MPRIP: variants seen among roughly 807,000 people sequenced by gnomAD.
The protein encoded by MPRIP is myosin phosphatase Rho-interacting protein.
Under a neutral mutation model 234.9 loss-of-function variants are expected in MPRIP, and 59 were observed. The ratio of observed to expected loss-of-function variants is 0.25; its 90% CI spans 0.20 to 0.31. The LOEUF is 0.31. Among genes scored for constraint, MPRIP ranks in the 10% least tolerant of loss-of-function variants. MPRIP has a pLI of 1.00. For synonymous variants in MPRIP, 1,144 were observed against 1,263.9 expected, an observed-to-expected ratio of 0.91 and a Z score of 2.01; for missense variants, 2,436 against 3,071.0, an observed-to-expected ratio of 0.79 and a Z score of 4.89.
At chr17:17,163,155 G>T (rs914214242) in intron 15 of MPRIP, among the ~76,000 whole-genome samples, 5 of 152,216 alleles carry the variant, frequency 3.3e-5, no homozygotes, top group East Asian at 3.8e-4. Context: ...ACTGGGGTGG[G>T]TGCTATACTA....
intron 5 of MPRIP, among the ~76,000 whole-genome samples, chr17:17,135,312 A>T (rs907447580): frequency 2.0e-5 from 3 of 152,120 alleles, no homozygotes; most frequent in Admixed American, 6.5e-5. Context: ...AACCATGGAG[A>T]GATTGGGGAT....
At position 17,165,662 on chromosome 17, in the gene MPRIP, G is replaced by A. The variant is rs538000912; in HGVS notation, c.4071G>A (p.Ser1357=). ...SSDTSQDRSP[S]EESMSSEPAP... ...ACACCAGCCAGGACCGGTCACCCTC[G>A]GAAGAAAGCATGTCCTCAGAGCCTG... Residue 1357 remains serine (S), a synonymous_variant, in exon 16 of 24, where the codon TCG becomes TCA. Coordinates refer to ENST00000651222, the MANE Select transcript of MPRIP (RefSeq NM_001364716.4). 4.2e-4 allele frequency: 553 copies of A among 1,305,072 alleles called. 3 individuals carry two copies. The African/African-American group carries it at 7.5e-3, about 18-fold the overall frequency. The allele number at this position is 1,305,072 out of a possible 1,614,324, so 80.8% of individuals were successfully genotyped here.
Position 17,190,678 on chromosome 17 carries a change from A to G in MPRIP, c.*5784A>G, listed in dbSNP as rs571437710. The G allele has an allele frequency of 2.6e-5, 4 of 152,302 alleles. No homozygotes were observed. The South Asian group carries it at 6.2e-4, about 24-fold the overall frequency. The allele number at this position is 152,302 out of a possible 1,614,324, so 9.4% of individuals were successfully genotyped here. On this transcript the variant is annotated 3_prime_UTR_variant, in exon 24 of 24. Coordinates refer to ENST00000651222, the MANE Select transcript of MPRIP (RefSeq NM_001364716.4). ...TCTCTGAAATCCTTCAACAAAAGAA[A>G]AGGCTCTTGGCAGGGTAGGGGAGTC...
chr17:17,072,987 ATGATTTTTAGGATATTCCAAC>A (rs1567696619), intron 1 of MPRIP, among the ~76,000 whole-genome samples: 1 of 152,056 alleles, frequency 6.6e-6, no homozygotes, highest in East Asian at 1.9e-4. Context: ...ATACAATTCT[ATGATTTTTAGGATATTCCAAC>A]TGATGTGCAG....
chr17:17,064,488 C>T (rs568946650), intron 1 of MPRIP, among the ~76,000 whole-genome samples: 3 of 152,240 alleles, frequency 2.0e-5, no homozygotes, highest in South Asian at 4.1e-4. Context: ...CACTGTGGTA[C>T]GGCACCACGG....
rs550894108 is a variant in MPRIP, at chr17:17,063,900, C to G, written c.124-11810C>G. Reference sequence around the variant, plus strand: ...GCTGAGATGTTTCTCTGTCCCTTGCCCCTGGCCACCCGCTTGGGGCAGTTG... The same window carrying G: ...GCTGAGATGTTTCTCTGTCCCTTGCGCCTGGCCACCCGCTTGGGGCAGTTG... On this transcript the variant is annotated intron_variant, in intron 1 of 23. Coordinates refer to ENST00000651222, the MANE Select transcript of MPRIP (RefSeq NM_001364716.4). Among the ~76,000 whole-genome samples the G allele has an allele frequency of 3.9e-5, 6 of 152,328 alleles. No individual in the cohort carries two copies. In the East Asian group the frequency reaches 1.2e-3, roughly 29 times the overall value.
intron 1 of MPRIP, among the ~76,000 whole-genome samples, chr17:17,049,469 T>TG (rs1303795294): frequency 6.6e-6 from 1 of 152,214 alleles, no homozygotes; most frequent in East Asian, 1.9e-4. Flanking sequence ...CTGCTCCTTG[T>TG]GTCACCTGGA....
chr17:17,181,408 C>CT (rs2046372315), intron 23 of MPRIP: 1 of 152,460 alleles, frequency 6.6e-6, no homozygotes, highest in Non-Finnish European at 1.5e-5. Context: ...GGCACACCCA[C>CT]AGCACCCCGC....
intron 5 of MPRIP, among the ~76,000 whole-genome samples, chr17:17,134,295 C>T (rs989134130): frequency 6.6e-6 from 1 of 152,172 alleles, no homozygotes; most frequent in Non-Finnish European, 1.5e-5. Context: ...TTTGGGGAAG[C>T]GCTGCTGCCG....
At chr17:17,051,079 C>CCTTCTCTTTGCAGAGTAGTGTG (rs1156777757) in intron 1 of MPRIP, among the ~76,000 whole-genome samples, 48 of 152,328 alleles carry the variant, frequency 3.2e-4, no homozygotes, top group Middle Eastern at 3.4e-3. Context: ...CGGGTGCCTG[C>CCTTCTCTTTGCAGAGTAGTGTG]CTTCTCTTTG....
intron 9 of MPRIP, among the ~76,000 whole-genome samples, chr17:17,144,108 G>A (rs927027061): frequency 9.9e-5 from 15 of 152,226 alleles, no homozygotes. Flanking sequence ...TTCTCCATGG[G>A]CCTCAGAGCT....
chr17:17,133,221 C>G (rs183793046), intron 5 of MPRIP, among the ~76,000 whole-genome samples: 9 of 152,320 alleles, frequency 5.9e-5, no homozygotes, highest in Admixed American at 3.9e-4. Context: ...GGGTTCCTAG[C>G]CTTCTGCACT....
chr17:17,082,785 C>G (rs1315900836), intron 3 of MPRIP, among the ~76,000 whole-genome samples: 1 of 152,222 alleles, frequency 6.6e-6, no homozygotes, highest in Admixed American at 6.5e-5. Context: ...CTTCCCCAGC[C>G]CCTGGAAACC....
intron 11 of MPRIP, among the ~76,000 whole-genome samples, chr17:17,149,233 C>T (rs1470895425): frequency 3.9e-5 from 6 of 152,164 alleles, no homozygotes; most frequent in Non-Finnish European, 7.3e-5. Context: ...GTGGCTCATG[C>T]CTGTAATCCC....
intron 3 of MPRIP, among the ~76,000 whole-genome samples, chr17:17,105,405 G>C (rs1029113137): frequency 6.6e-6 from 1 of 152,196 alleles, no homozygotes; most frequent in Non-Finnish European, 1.5e-5. Context: ...CTAGGGAGGC[G>C]GAGTCGGTCT....
At position 17,081,550 on chromosome 17, in the gene MPRIP, A is replaced by T. The variant is rs563973345; in HGVS notation, c.267+3474A>T. On this transcript the variant is annotated intron_variant, in intron 3 of 23. Coordinates refer to ENST00000651222, the MANE Select transcript of MPRIP (RefSeq NM_001364716.4). ...AGCTCCAGATAACTGGGATGGGGAA[A>T]ATTCGGTTACCTCAGCCCCACTGGG... 9.2e-5 allele frequency among the ~76,000 whole-genome samples: 14 copies of T among 152,352 alleles called. No individual in the cohort carries two copies. The East Asian group carries it at 2.7e-3, about 29-fold the overall frequency.
intron 1 of MPRIP, among the ~76,000 whole-genome samples, 156 bp downstream of exon 1, chr17:17,043,127 T>A (rs1460365678): frequency 6.6e-6 from 1 of 152,166 alleles, no homozygotes. Flanking sequence ...TTGACAGAGC[T>A]GGGACAAAGG....
chr17:17,179,112 G>A (rs1369805947), intron 22 of MPRIP, among the ~76,000 whole-genome samples: 1 of 151,744 alleles, frequency 6.6e-6, no homozygotes, highest in Non-Finnish European at 1.5e-5. Flanking sequence ...TCAGGAATTC[G>A]AGACCAGTCT....
intron 3 of MPRIP, among the ~76,000 whole-genome samples, chr17:17,120,324 G>T (rs1291373178): frequency 6.6e-6 from 1 of 152,122 alleles, no homozygotes; most frequent in Admixed American, 6.5e-5. Flanking sequence ...TTCTGCTTGG[G>T]CCAGGGGTGT....
Sources: allele counts gnomAD v4.1 joint callset (sites outside exome capture counted in the v4.1 genomes callset), GRCh38; gene constraint gnomAD v4.1.1; transcripts MANE v1.5; gene names NCBI Gene and HGNC (gene_info 2026-07-23, HGNC 2026-07-21).